The following SPARCL1 variants were observed in gnomAD, a reference collection of about 807,000 sequenced individuals.
The protein encoded by SPARCL1 is SPARC like 1.
SPARCL1 carries 52 observed loss-of-function variants against 67.1 expected under a neutral mutation model. The ratio of observed to expected loss-of-function variants is 0.78; its 90% CI spans 0.62 to 0.98. The LOEUF (loss-of-function observed/expected upper bound fraction) is 0.98. Ranked by LOEUF, SPARCL1 falls within the 50% of genes least tolerant of loss-of-function variation. The pLI is 0.00. For missense variants in SPARCL1, 717 were observed against 782.4 expected, an observed-to-expected ratio of 0.92 and a Z score of 1.00; for synonymous variants, 226 against 267.8, an observed-to-expected ratio of 0.84 and a Z score of 1.52.
intron 1 of SPARCL1, among the ~76,000 whole-genome samples, chr4:87,524,361 A>T (rs1346755813): frequency 6.6e-6 from 1 of 152,242 alleles, no homozygotes; most frequent in Non-Finnish European, 1.5e-5. Flanking sequence ...GAGTTAGATC[A>T]AACTGAAACT....
intron 1 of SPARCL1, among the ~76,000 whole-genome samples, chr4:87,514,071 G>A (rs1725484653): frequency 2.0e-5 from 3 of 152,306 alleles, no homozygotes; most frequent in Non-Finnish European, 4.4e-5. Flanking sequence ...GCATGAGCCT[G>A]TAATCCCAGC....
intron 1 of SPARCL1, among the ~76,000 whole-genome samples, chr4:87,504,135 TTGTGTGTGTGTGTGTG>T (rs70957258): frequency 5.2e-4 from 16 of 30,934 alleles, no homozygotes; most frequent in Non-Finnish European, 9.2e-4. Context: ...TGATTTGGTA[TTGTGTGTGTGTGTGTG>T]TGTGTGTGTG....
At chr4:87,477,577 G>A (rs559646401) in intron 10 of SPARCL1, among the ~76,000 whole-genome samples, 29 of 152,136 alleles carry the variant, frequency 1.9e-4, no homozygotes, top group African/African-American at 6.3e-4. Flanking sequence ...CTGGTCACTC[G>A]CTCTGGAGGA....
chr4:87,514,500 G>T (rs1215653786), intron 1 of SPARCL1, among the ~76,000 whole-genome samples: 6 of 152,100 alleles, frequency 3.9e-5, no homozygotes, highest in Admixed American at 3.9e-4. Context: ...GCAGAGTATG[G>T]TCATGTCATT....
chr4:87,510,472 T>G (rs558343307), intron 1 of SPARCL1, among the ~76,000 whole-genome samples: 19 of 152,270 alleles, frequency 1.2e-4, no homozygotes, highest in Admixed American at 7.2e-4. Context: ...GTCCCCATCC[T>G]GTGCCCATAA....
chr4:87,494,944 T>A, intron 3 of SPARCL1, 37 bp downstream of exon 3: 1 of 1,537,174 alleles, frequency 6.5e-7, no homozygotes, highest in Non-Finnish European at 8.8e-7. Flanking sequence ...TTTGGAGAAT[T>A]AAAAAATTGT....
At chr4:87,491,551 G>T in intron 5 of SPARCL1, 67 bp downstream of exon 5, 1 of 1,260,748 alleles carries the variant, frequency 7.9e-7, no homozygotes, top group Non-Finnish European at 1.2e-6. Context: ...GGAGGGACAA[G>T]CCCAAAGTGG....
At chr4:87,522,863 G>A (rs1725882488) in intron 1 of SPARCL1, among the ~76,000 whole-genome samples, 2 of 151,790 alleles carry the variant, frequency 1.3e-5, no homozygotes, top group Admixed American at 1.3e-4. Context: ...TTTTTCTCAC[G>A]CCACCAAATC....
chr4:87,498,938 A>G (rs1441506431), intron 2 of SPARCL1, among the ~76,000 whole-genome samples: 4 of 151,028 alleles, frequency 2.6e-5, no homozygotes, highest in African/African-American at 7.3e-5. Flanking sequence ...CAGTGGAGTG[A>G]TCTCAGCTCA....
chr4:87,477,348 GA>G (rs1560810206), intron 10 of SPARCL1, among the ~76,000 whole-genome samples: 2 of 152,170 alleles, frequency 1.3e-5, no homozygotes, highest in Admixed American at 1.3e-4. Flanking sequence ...GGGCAGGACA[GA>G]AGGATATATT....
chr4:87,511,321 CT>C (rs1447090112), intron 1 of SPARCL1, among the ~76,000 whole-genome samples: 1 of 152,120 alleles, frequency 6.6e-6, no homozygotes, highest in Admixed American at 6.5e-5. Flanking sequence ...ATATGAACAA[CT>C]TAGTAAATGG....
rs545768122 is a variant in SPARCL1 at position 87,499,633 on chromosome 4, T to C, written c.-11-48A>G. On this transcript the variant is annotated intron_variant, in intron 1 of 10. Coordinates refer to ENST00000282470, the MANE Select transcript of SPARCL1 (RefSeq NM_004684.6). ...TCAGTGGCAGGGAAAAGTTTCCTCATGAAAAACTGAAAGATAGTCTTAGCA... is the reference window on the plus strand; with the variant it reads ...TCAGTGGCAGGGAAAAGTTTCCTCACGAAAAACTGAAAGATAGTCTTAGCA... The C allele has an allele frequency of 5.3e-6, 7 of 1,330,226 alleles. No homozygotes were observed. The East Asian group carries it at 7.1e-5, about 13-fold the overall frequency. 82.4% of individuals were successfully genotyped at this position (1,330,226 alleles called of 1,614,324 possible).
chr4:87,489,596 G>A (rs980030194), intron 7 of SPARCL1, among the ~76,000 whole-genome samples: 1 of 152,198 alleles, frequency 6.6e-6, no homozygotes, highest in African/African-American at 2.4e-5. Flanking sequence ...AGAGTTTGTG[G>A]TGGCAAAGGA....
At chr4:87,485,403 C>G (rs1578096691) in intron 7 of SPARCL1, among the ~76,000 whole-genome samples, 1 of 152,220 alleles carries the variant, frequency 6.6e-6, no homozygotes, top group African/African-American at 2.4e-5. Flanking sequence ...TCCTTGCATC[C>G]CAGGGATGAA....
chr4:87,486,024 G>T (rs1352428061), intron 7 of SPARCL1, among the ~76,000 whole-genome samples: 2 of 151,686 alleles, frequency 1.3e-5, no homozygotes, highest in Non-Finnish European at 2.9e-5. Context: ...CAGCTCCTAG[G>T]TTCATTGATT....
chr4:87,525,297 C>T (rs1725995182), intron 1 of SPARCL1, among the ~76,000 whole-genome samples: 1 of 152,162 alleles, frequency 6.6e-6, no homozygotes, highest in Admixed American at 6.5e-5. Flanking sequence ...CTTACATGCT[C>T]AATCTCATTC....
chr4:87,476,950 A>ACT (rs1723607876), intron 10 of SPARCL1, among the ~76,000 whole-genome samples: 3 of 152,250 alleles, frequency 2.0e-5, no homozygotes, highest in African/African-American at 7.2e-5. Flanking sequence ...CCAAAGCAGT[A>ACT]AGTTGTTTAC....
chr4:87,491,950 C>A (rs1370671490), intron 4 of SPARCL1, among the ~76,000 whole-genome samples: 5 of 80,760 alleles, frequency 6.2e-5, no homozygotes, highest in East Asian at 3.6e-4. Flanking sequence ...ACCCACCCCC[C>A]CCCCCAAAAA....
Position 87,476,142 on chromosome 4 carries a change from C to T in SPARCL1, c.1967-2339G>A, listed in dbSNP as rs575627500. ...TGGAATTTGTCATTTACTCCAAATC[C>T]ACTTCTGTTCTTGTGTTTTCTCAGT... On this transcript the variant is annotated intron_variant, in intron 10 of 10. Coordinates refer to ENST00000282470, the MANE Select transcript of SPARCL1 (RefSeq NM_004684.6). 2.9e-4 allele frequency among the ~76,000 whole-genome samples: 44 copies of T among 152,152 alleles called. 1 individual carries two copies. In the South Asian group the frequency reaches 8.7e-3, roughly 30 times the overall value.
Sources: allele counts gnomAD v4.1 joint callset (sites outside exome capture counted in the v4.1 genomes callset), GRCh38; gene constraint gnomAD v4.1.1; transcripts MANE v1.5; gene names NCBI Gene and HGNC (gene_info 2026-07-23, HGNC 2026-07-21).